Variants in OSBPL6 observed in about 807,000 individuals in gnomAD.
The protein encoded by OSBPL6 is oxysterol-binding protein-related protein 6.
A neutral mutation model predicts 125.8 loss-of-function variants in OSBPL6; 49 were observed. That is an observed-to-expected ratio of 0.39 (90% CI 0.31 to 0.49). The LOEUF (loss-of-function observed/expected upper bound fraction) is 0.49, where lower values mean the gene tolerates loss of function less well. Among genes scored for constraint, OSBPL6 ranks in the 20% least tolerant of loss-of-function variants. The pLI is 0.88. For missense variants in OSBPL6, 986 were observed against 1,135.4 expected (o/e 0.87, Z 1.89); for synonymous variants, 394 against 391.8 (o/e 1.01, Z -0.07).
At chr2:178,297,983 T>C (rs1452501459) in intron 2 of OSBPL6, among the ~76,000 whole-genome samples, 1 of 152,168 alleles carries the variant, frequency 6.6e-6, no homozygotes, top group African/African-American at 2.4e-5. Flanking sequence ...TCTTTCAAAG[T>C]GAAATTCTGT....
chr2:178,388,576 T>C (rs1439181933), intron 20 of OSBPL6, among the ~76,000 whole-genome samples: 1 of 152,232 alleles, frequency 6.6e-6, no homozygotes, highest in African/African-American at 2.4e-5. Flanking sequence ...CAGCCCATAG[T>C]GCCCTCTTAT....
chr2:178,234,310 G>T (rs2090957880), intron 1 of OSBPL6, among the ~76,000 whole-genome samples: 1 of 152,112 alleles, frequency 6.6e-6, no homozygotes, highest in African/African-American at 2.4e-5. Context: ...TATTTCACAG[G>T]TTGTGAGTTG....
At chr2:178,283,703 C>T (rs1684433931) in intron 1 of OSBPL6, among the ~76,000 whole-genome samples, 1 of 152,146 alleles carries the variant, frequency 6.6e-6, no homozygotes, top group Non-Finnish European at 1.5e-5. Flanking sequence ...CATGGTTCTG[C>T]AGGCTGTATA....
At chr2:178,382,287 A>G in intron 15 of OSBPL6, 133 bp from the exon 16 acceptor site, 3 of 1,126,650 alleles carry the variant, frequency 2.7e-6, no homozygotes, top group Non-Finnish European at 3.6e-6. Flanking sequence ...CATTGCACAT[A>G]TGTCAAATAC....
At chr2:178,376,325 A>G (rs12468511) in intron 15 of OSBPL6, among the ~76,000 whole-genome samples, 28,273 of 151,858 alleles carry the variant, frequency 0.19, 2,813 homozygotes, top group South Asian at 0.24. Context: ...CTACCCAACT[A>G]TTCACACCAA....
chr2:178,326,636 T>A (rs1456742524), intron 4 of OSBPL6, among the ~76,000 whole-genome samples: 1 of 152,140 alleles, frequency 6.6e-6, no homozygotes, highest in African/African-American at 2.4e-5. Flanking sequence ...CTGAGATGAG[T>A]TGTTTCATTT....
chr2:178,205,202 T>TG (rs1335849543), intron 1 of OSBPL6, among the ~76,000 whole-genome samples: 1 of 152,142 alleles, frequency 6.6e-6, no homozygotes, highest in Non-Finnish European at 1.5e-5. Context: ...GACAGTGAGC[T>TG]GGGGGGAATT....
chr2:178,333,249 A>T (rs1689387623), intron 8 of OSBPL6, among the ~76,000 whole-genome samples: 1 of 152,090 alleles, frequency 6.6e-6, no homozygotes, highest in African/African-American at 2.4e-5. Flanking sequence ...GTCAAATGTG[A>T]TGCTGCATAG....
intron 13 of OSBPL6, 40 bp downstream of exon 13, chr2:178,361,855 C>T (rs761877103): frequency 6.2e-7 from 1 of 1,608,986 alleles, no homozygotes; most frequent in South Asian, 1.1e-5. Flanking sequence ...ATGACACACT[C>T]CCAACCCTGT....
In OSBPL6 at chr2:178,332,857, G is replaced by A. The variant is rs752763854; in HGVS notation, c.487-14G>A. The stretch of plus-strand genomic sequence containing the variant: ...TATTTTACAATTACTTTCTCCTCTC[G>A]TTCATTGTTTTAGGTGAAATCCCAG... On this transcript the variant is annotated splice_polypyrimidine_tract_variant and intron_variant, in intron 7 of 24. Transcript: ENST00000190611. The A allele has an allele frequency of 4.3e-6, 7 of 1,609,224 alleles. No homozygotes were observed. The highest frequency in any genetic ancestry group is 4.0e-5 in the African/African-American group (3 of 74,824).
In OSBPL6 at chr2:178,398,665, T is replaced by C. The variant is rs1193690042; in HGVS notation, c.*3106T>C. On this transcript the variant is annotated 3_prime_UTR_variant, in exon 25 of 25. Transcript: ENST00000190611. ...AACTTTTAATGGTACATATCAACTA[T>C]ATGTGGGGAAAAAATGCAATTTTCT... 2 of 152,212 alleles carry C rather than the reference T, an allele frequency of 1.3e-5. No homozygotes were observed. Among genetic ancestry groups the C allele is most frequent in the African/African-American group, 2.4e-5 (1 of 41,462 alleles). 9.4% of individuals were successfully genotyped at this position (152,212 alleles called of 1,614,324 possible). A position where few individuals can be genotyped will look rare whatever the true frequency, so the allele number is the denominator to read the frequency against.
chr2:178,284,314 A>G (rs1310709545), intron 1 of OSBPL6, among the ~76,000 whole-genome samples: 1 of 152,166 alleles, frequency 6.6e-6, no homozygotes, highest in Non-Finnish European at 1.5e-5. Flanking sequence ...GCCCTTTGGG[A>G]GGCCGAGGCA....
chr2:178,294,643 A>T (rs996448827), intron 2 of OSBPL6, among the ~76,000 whole-genome samples: 5 of 151,968 alleles, frequency 3.3e-5, no homozygotes, highest in African/African-American at 1.2e-4. Flanking sequence ...TCAATTTATG[A>T]TGAGATTAAC....
At chr2:178,250,002 C>A (rs1463894834) in intron 1 of OSBPL6, among the ~76,000 whole-genome samples, 1 of 152,260 alleles carries the variant, frequency 6.6e-6, no homozygotes, top group East Asian at 1.9e-4. Context: ...ATAACACTAA[C>A]AATACCTGCT....
rs990401747 is a variant in OSBPL6 at position 178,306,170 on chromosome 2, A to T, written c.-15A>T. The stretch of plus-strand genomic sequence containing the variant: ...GATGGTCTTAAGTGCATAAAACGAG[A>T]CTCTAACTGCAGCGATGAGTTCAGA... On this transcript the variant is annotated 5_prime_UTR_variant, in exon 3 of 25. Transcript: ENST00000190611. 1.3e-6 allele frequency: 2 copies of T among 1,556,468 alleles called. No individual in the cohort carries two copies. The highest frequency in any genetic ancestry group is 1.4e-5 in the African/African-American group (1 of 73,630).
At chr2:178,208,760 CCTT>C (rs1232859671) in intron 1 of OSBPL6, among the ~76,000 whole-genome samples, 3 of 11,736 alleles carry the variant, frequency 2.6e-4, no homozygotes, top group African/African-American at 4.3e-4. Context: ...CTCTTTCCCT[CCTT>C]CTGTCCTTCC....
At chr2:178,268,748 G>T (rs1222273972) in intron 1 of OSBPL6, among the ~76,000 whole-genome samples, 4 of 150,564 alleles carry the variant, frequency 2.7e-5, no homozygotes, top group Admixed American at 6.6e-5. Flanking sequence ...TCTATATTTT[G>T]TCTCTCTGTC....
At chr2:178,348,732 T>G (rs1321060074) in intron 11 of OSBPL6, among the ~76,000 whole-genome samples, 2 of 152,214 alleles carry the variant, frequency 1.3e-5, no homozygotes, top group African/African-American at 4.8e-5. Context: ...ATTACTGTAT[T>G]TCCTGTTAAG....
intron 1 of OSBPL6, among the ~76,000 whole-genome samples, chr2:178,263,310 C>T (rs1282780935): frequency 6.6e-6 from 1 of 152,190 alleles, no homozygotes; most frequent in Non-Finnish European, 1.5e-5. Context: ...GAAACCCCAT[C>T]TCTACTAAAA....
Sources: gnomAD v4.1 joint callset for allele counts (sites outside exome capture counted in the v4.1 genomes callset) on GRCh38, gnomAD v4.1.1 for gene constraint, MANE v1.5 for transcripts, NCBI Gene and HGNC (gene_info 2026-07-23, HGNC 2026-07-21) for gene names.